The following ZEB2 variants were observed in gnomAD, a reference collection of about 807,000 sequenced individuals.
ZEB2 encodes the protein zinc finger E-box binding homeobox 2, also known as zinc finger E-box-binding homeobox 2.
Under a neutral mutation model 99.9 loss-of-function variants are expected in ZEB2, and 6 were observed. That is an observed-to-expected ratio of 0.06 (90% CI 0.03 to 0.12). The LOEUF (loss-of-function observed/expected upper bound fraction) is 0.12, where lower values mean the gene tolerates loss of function less well. ZEB2 is among the 10% of genes least tolerant of loss of function. The probability of loss-of-function intolerance (pLI) is 1.00; values close to 1 mark genes in which losing one functional copy is unlikely to be tolerated. For synonymous variants in ZEB2, 517 were observed against 542.5 expected (o/e 0.95, Z 0.65); for missense variants, 969 against 1,502.8 (o/e 0.64, Z 5.87).
chr2:144,472,228 A>G (rs1704367861), intron 2 of ZEB2, among the ~76,000 whole-genome samples: 1 of 151,900 alleles, frequency 6.6e-6, no homozygotes, highest in African/African-American at 2.4e-5. Flanking sequence ...TCATCATATC[A>G]TCATCATTCT....
chr2:144,414,658 A>G (rs1403513740), intron 4 of ZEB2, among the ~76,000 whole-genome samples: 2 of 152,188 alleles, frequency 1.3e-5, no homozygotes, highest in East Asian at 3.8e-4. Context: ...TGATTCATAC[A>G]AAGTTGCACA....
chr2:144,402,866 TCTC>T (rs1390363533), intron 6 of ZEB2, among the ~76,000 whole-genome samples: 2 of 152,232 alleles, frequency 1.3e-5, no homozygotes, highest in Non-Finnish European at 2.9e-5. Flanking sequence ...CATGAGCTGT[TCTC>T]CTAAAATAGT....
At position 144,400,167 on chromosome 2, in the gene ZEB2, T is replaced by G. The variant is rs1703291600; in HGVS notation, c.1020A>C (p.Val340=). ...TGATATTGTTTCTCATTCGGCCATT[T>G]ACAGAGATTAAACCAATACATTTCT... ...SSKKCIGLIS[V]NGRMRNNIKT... is the part of the protein sequence containing the mutation. Residue 340 remains valine, a synonymous_variant, in exon 8 of 10, where the codon GTA becomes GTC. Coordinates refer to ENST00000627532, the MANE Select transcript of ZEB2 (RefSeq NM_014795.4). 2 of 1,614,062 alleles carry G rather than the reference T, an allele frequency of 1.2e-6. No homozygotes were observed. The highest frequency in any genetic ancestry group is 1.7e-6 in the Non-Finnish European group (2 of 1,179,936).
intron 2 of ZEB2, among the ~76,000 whole-genome samples, chr2:144,476,325 C>G (rs1258606513): frequency 6.6e-6 from 1 of 152,066 alleles, no homozygotes; most frequent in East Asian, 1.9e-4. Flanking sequence ...TGACAGGATT[C>G]CCACAGGGCA....
At position 144,520,059 on chromosome 2, in the gene ZEB2, A is replaced by G. The variant is rs1374361618; in HGVS notation, c.-190T>C. 2.2e-6 allele frequency: 1 copy of G among 454,566 alleles called. No homozygotes were observed. Among genetic ancestry groups the G allele is most frequent in the Admixed American group, 2.3e-5 (1 of 42,584 alleles). The allele number at this position is 454,566 out of a possible 1,614,324, so 28.2% of individuals were successfully genotyped here. A position where few individuals can be genotyped will look rare whatever the true frequency, so the allele number is the denominator to read the frequency against. ...AAACAGCTCCCGGAGCAAACTGTAC[A>G]AAAACCTCGCCAAGAGTGTCGGGAG... On this transcript the variant is annotated 5_prime_UTR_variant, in exon 1 of 10. Coordinates refer to ENST00000627532, the MANE Select transcript of ZEB2 (RefSeq NM_014795.4).
chr2:144,464,442 TAAATC>T (rs1273147075), intron 2 of ZEB2: 2 of 152,240 alleles, frequency 1.3e-5, no homozygotes, highest in Non-Finnish European at 2.9e-5. Flanking sequence ...TACAGCCACT[TAAATC>T]AAAGTCTACT....
chr2:144,460,833 CA>C (rs1436547135), intron 2 of ZEB2, among the ~76,000 whole-genome samples: 27 of 152,016 alleles, frequency 1.8e-4, no homozygotes, highest in East Asian at 1.9e-4. Flanking sequence ...TTTGATAGAG[CA>C]AAAGACAATC....
intron 2 of ZEB2, among the ~76,000 whole-genome samples, chr2:144,434,864 C>T (rs1352702102): frequency 1.3e-5 from 2 of 152,164 alleles, no homozygotes; most frequent in Non-Finnish European, 2.9e-5. Context: ...CCAGAACCAA[C>T]GTGTAACCAG....
At chr2:144,428,311 T>C (rs1462138804) in intron 3 of ZEB2, 3 of 152,168 alleles carry the variant, frequency 2.0e-5, no homozygotes, top group Non-Finnish European at 2.9e-5. Context: ...CCAAGAATCA[T>C]TGGCTCTTAT....
chr2:144,507,341 A>G (rs1283046833), intron 2 of ZEB2: 2 of 152,256 alleles, frequency 1.3e-5, no homozygotes, highest in Non-Finnish European at 2.9e-5. Context: ...TCTTAATTTT[A>G]TAGCAGCGTT....
chr2:144,512,213 A>G (rs1705051937), intron 2 of ZEB2: 3 of 1,287,164 alleles, frequency 2.3e-6, no homozygotes, highest in Non-Finnish European at 3.0e-6. Flanking sequence ...GGCACAAAAT[A>G]GTGTCTACCT....
At chr2:144,512,675 G>A (rs1227151423) in intron 2 of ZEB2, 3 of 1,287,038 alleles carry the variant, frequency 2.3e-6, no homozygotes, top group Non-Finnish European at 3.0e-6. Flanking sequence ...GTCACTCTAT[G>A]GACACCAGCA....
chr2:144,460,754 A>G (rs1327046041), intron 2 of ZEB2, among the ~76,000 whole-genome samples: 1 of 152,190 alleles, frequency 6.6e-6, no homozygotes, highest in East Asian at 1.9e-4. Context: ...TTCTTTTAGT[A>G]TATTAAATTG....
At position 144,411,149 on chromosome 2, in the gene ZEB2, C is replaced by T. The variant is rs868793168; in HGVS notation, c.404-6125G>A. Among the ~76,000 whole-genome samples the T allele has an allele frequency of 1.7e-3, 242 of 139,196 alleles. 3 individuals are homozygous for T. The highest frequency in any genetic ancestry group is 6.0e-3 in the African/African-American group (218 of 36,522). The allele number at this position is 139,196 out of a possible 152,430, so 91.3% of individuals were successfully genotyped here. ...ACACACACACACACACACACACACACGCTTCCCCAGTGTAATGTAATGTAT... is the reference window on the plus strand; with the variant it reads ...ACACACACACACACACACACACACATGCTTCCCCAGTGTAATGTAATGTAT... On this transcript the variant is annotated intron_variant, in intron 4 of 9. Coordinates refer to ENST00000627532, the MANE Select transcript of ZEB2 (RefSeq NM_014795.4).
intron 2 of ZEB2, among the ~76,000 whole-genome samples, chr2:144,474,402 T>G (rs1349038575): frequency 6.6e-6 from 1 of 152,184 alleles, no homozygotes; most frequent in Non-Finnish European, 1.5e-5. Context: ...TAAAAAAGTC[T>G]AATGACCATT....
intron 9 of ZEB2, among the ~76,000 whole-genome samples, chr2:144,393,474 C>T (rs955638100): frequency 3.9e-5 from 6 of 152,120 alleles, no homozygotes; most frequent in Non-Finnish European, 5.9e-5. Context: ...TTTTATTTCC[C>T]GACCTTAGAA....
chr2:144,412,201 G>A (rs753828947), intron 4 of ZEB2, among the ~76,000 whole-genome samples: 1 of 152,144 alleles, frequency 6.6e-6, no homozygotes, highest in East Asian at 1.9e-4. Context: ...CCTGGGAGGC[G>A]GAGGTTGCGG....
intron 2 of ZEB2, among the ~76,000 whole-genome samples, chr2:144,450,768 C>T (rs561005324): frequency 2.6e-5 from 4 of 152,232 alleles, no homozygotes; most frequent in Admixed American, 2.0e-4. Context: ...CTCCGCCTCC[C>T]GGGTTCAAGC....
chr2:144,391,098 C>T (rs1026517724), intron 9 of ZEB2, among the ~76,000 whole-genome samples: 5 of 152,146 alleles, frequency 3.3e-5, no homozygotes, highest in African/African-American at 7.2e-5. Flanking sequence ...ATCCCATTTT[C>T]GTTTGCTAAG....
Sources: gnomAD v4.1 joint callset for allele counts (sites outside exome capture counted in the v4.1 genomes callset) on GRCh38, gnomAD v4.1.1 for gene constraint, MANE v1.5 for transcripts, NCBI Gene and HGNC (gene_info 2026-07-23, HGNC 2026-07-21) for gene names.